The following STYXL2 variants were observed in gnomAD, a reference collection of about 807,000 sequenced individuals.
STYXL2 encodes the protein serine/threonine/tyrosine-interacting-like protein 2.
Under a neutral mutation model 52.4 loss-of-function variants are expected in STYXL2, and 44 were observed. The ratio of observed to expected loss-of-function variants is 0.84; its 90% CI spans 0.66 to 1.08. STYXL2 has a LOEUF of 1.08. Ranked by LOEUF, STYXL2 falls within the 50% of genes least tolerant of loss-of-function variation. The pLI is 0.00. For missense variants in STYXL2, 1,604 were observed against 1,471.7 expected (o/e 1.09, Z -1.47); for synonymous variants, 604 against 586.9 (o/e 1.03, Z -0.42).
At chr1:167,109,588 AC>A (rs1558020540) in intron 2 of STYXL2, among the ~76,000 whole-genome samples, 1 of 152,096 alleles carries the variant, frequency 6.6e-6, no homozygotes, top group Non-Finnish European at 1.5e-5. Context: ...GTCTTTCTCT[AC>A]ATGCCCTGGT....
chr1:167,103,760 T>C (rs527575148), intron 2 of STYXL2, among the ~76,000 whole-genome samples: 7 of 152,222 alleles, frequency 4.6e-5, no homozygotes, highest in African/African-American at 1.7e-4. Context: ...GGGAGCTTGG[T>C]GGGGACTTCT....
At chr1:167,105,318 T>C (rs1667488198) in intron 2 of STYXL2, among the ~76,000 whole-genome samples, 1 of 152,238 alleles carries the variant, frequency 6.6e-6, no homozygotes. Flanking sequence ...GGTTAGGAAG[T>C]CCATCAAACT....
chr1:167,122,274 G>A (rs896978678), intron 5 of STYXL2, among the ~76,000 whole-genome samples: 1 of 152,060 alleles, frequency 6.6e-6, no homozygotes, highest in African/African-American at 2.4e-5. Flanking sequence ...GGCACGCCGG[G>A]CAGGCCTGGA....
chr1:167,102,590 A>G (rs534150318), intron 2 of STYXL2, among the ~76,000 whole-genome samples: 1 of 152,264 alleles, frequency 6.6e-6, no homozygotes, highest in East Asian at 1.9e-4. Context: ...TGACAACAAA[A>G]TTTTTTCAGT....
intron 4 of STYXL2, 78 bp downstream of exon 4, chr1:167,117,637 T>G: frequency 1.5e-6 from 2 of 1,348,752 alleles, no homozygotes; most frequent in South Asian, 1.4e-5. Context: ...TCCCCCAACT[T>G]TCACCAAAGG....
intron 2 of STYXL2, among the ~76,000 whole-genome samples, chr1:167,100,907 A>T (rs1156548312): frequency 6.6e-6 from 1 of 152,120 alleles, no homozygotes; most frequent in Non-Finnish European, 1.5e-5. Context: ...TAAAATCTGA[A>T]CTCTAAACTA....
rs200528135 is a variant in STYXL2 at position 167,127,489 on chromosome 1, G to C, written c.2358G>C (p.Gln786His). The part of the protein sequence containing the change: ...SSSLGGCLLP[Q>H]SQARPSSDMQ... Reference sequence around the variant, plus strand: ...CCTTGGGTGGCTGCCTGTTGCCTCAGAGCCAGGCAAGACCCAGCTCTGACA... The same window carrying C: ...CCTTGGGTGGCTGCCTGTTGCCTCACAGCCAGGCAAGACCCAGCTCTGACA... Residue 786 changes from glutamine (Q) to histidine (H), a missense_variant, in exon 6 of 6, where the codon CAG becomes CAC. Gln to His is a conservative substitution (Grantham distance 24). Transcript: ENST00000361200. 3.2e-4 allele frequency: 515 copies of C among 1,614,114 alleles called. 1 individual carries two copies. The highest frequency in any genetic ancestry group is 4.7e-5 in the Non-Finnish European group (55 of 1,180,016).
chr1:167,094,830 T>C lies in STYXL2; in HGVS notation c.-16-4T>C, dbSNP rs111231958. 1 of 1,603,468 alleles carries C rather than the reference T, an allele frequency of 6.2e-7. No homozygotes were observed. Among genetic ancestry groups the C allele is most frequent in the South Asian group, 1.1e-5 (1 of 89,292 alleles). On this transcript the variant is annotated splice_region_variant and splice_polypyrimidine_tract_variant and intron_variant, in intron 1 of 5. Transcript: ENST00000361200. ...TAACTGCCTTTTTCTTGCCAAACTT[T>C]CAGAGGTTGGCAGGTTGTCATGGCG... is the stretch of plus-strand genomic sequence containing the variant.
chr1:167,107,003 A>G (rs1253963128), intron 2 of STYXL2, among the ~76,000 whole-genome samples: 1 of 152,176 alleles, frequency 6.6e-6, no homozygotes, highest in Non-Finnish European at 1.5e-5. Context: ...TGGGTCAGGA[A>G]TTTGGACAGG....
At chr1:167,117,148 T>C (rs894583697) in intron 3 of STYXL2, among the ~76,000 whole-genome samples, 180 bp from the exon 4 acceptor site, 1 of 152,216 alleles carries the variant, frequency 6.6e-6, no homozygotes, top group African/African-American at 2.4e-5. Context: ...ATTACAAGTG[T>C]TTGGGCCAGT....
At chr1:167,110,831 C>T (rs1667602054) in intron 2 of STYXL2, among the ~76,000 whole-genome samples, 1 of 152,180 alleles carries the variant, frequency 6.6e-6, no homozygotes, top group African/African-American at 2.4e-5. Flanking sequence ...CTTACAGTTC[C>T]AACCTTCCAG....
chr1:167,103,741 TGTCA>T, intron 2 of STYXL2, among the ~76,000 whole-genome samples: 1 of 152,148 alleles, frequency 6.6e-6, no homozygotes, highest in Middle Eastern at 3.2e-3. Flanking sequence ...TAAAACCCCC[TGTCA>T]GTGGGGGAGC....
At chr1:167,095,001 G>A in intron 2 of STYXL2, 42 bp downstream of exon 2, 1 of 1,498,076 alleles carries the variant, frequency 6.7e-7, no homozygotes, top group Non-Finnish European at 9.1e-7. Context: ...CCCCAGCTGG[G>A]AGGGGCTGGG....
intron 1 of STYXL2, 144 bp from the exon 2 acceptor site, chr1:167,094,690 A>C (rs562303207): frequency 2.1e-4 from 133 of 622,578 alleles, no homozygotes; most frequent in Non-Finnish European, 3.5e-4. Flanking sequence ...GCCAGGTCTG[A>C]CTGGATATTC....
chr1:167,100,640 C>T (rs1667385369), intron 2 of STYXL2, among the ~76,000 whole-genome samples: 1 of 152,174 alleles, frequency 6.6e-6, no homozygotes, highest in Admixed American at 6.5e-5. Flanking sequence ...ACAGGCTCAA[C>T]CTGAAAGACC....
rs1667664201 is a variant in STYXL2 at position 167,113,743 on chromosome 1, C to G, written c.144C>G (p.Ser48Arg). The G allele has an allele frequency of 5.6e-6, 9 of 1,613,944 alleles. No homozygotes were observed. The highest frequency in any genetic ancestry group is 7.6e-6 in the Non-Finnish European group (9 of 1,179,920). Reference sequence around the variant, plus strand: ...TGGTCTCAGATGCAGAAACAGAAAGCATTTTCATGGAACCCATTCACCTCT... The same window carrying G: ...TGGTCTCAGATGCAGAAACAGAAAGGATTTTCATGGAACCCATTCACCTCT... ...YSMVSDAETESIFMEPIHLSS... is the reference protein window; with the variant it reads ...YSMVSDAETERIFMEPIHLSS... Residue 48 changes from serine (S) to arginine (R), a missense_variant, in exon 3 of 6, where the codon AGC becomes AGG. By Grantham distance (110) the Ser-to-Arg change is moderately radical (BLOSUM62 -1). Coordinates refer to ENST00000361200, the MANE Select transcript of STYXL2 (RefSeq NM_001080426.3).
chr1:167,113,816 A>G lies in STYXL2; in HGVS notation c.205+12A>G. The stretch of plus-strand genomic sequence containing the variant: ...GATCATCAATGAAGGTAATGCAATC[A>G]AAAGCTGGGTGGAAGCAAAGTCCAG... On this transcript the variant is annotated intron_variant, in intron 3 of 5. Transcript: ENST00000361200. 1 of 1,608,346 alleles carries G rather than the reference A, an allele frequency of 6.2e-7. No homozygotes were observed. Among genetic ancestry groups the G allele is most frequent in the South Asian group, 1.1e-5 (1 of 90,968 alleles).
chr1:167,126,564 A>T lies in STYXL2; in HGVS notation c.1433A>T (p.Asp478Val). The change falls in exon 6 of 6, where the codon GAC becomes GTC. Residue 478 changes from aspartate (D) to valine (V), a missense_variant. Asp to Val is a radical substitution (Grantham distance 152). Coordinates refer to ENST00000361200, the MANE Select transcript of STYXL2 (RefSeq NM_001080426.3). ...TCGATGTCCTCGGAGAGCACCTGGG[A>T]CGCATGGAACGAGAGGCTGCTGGAG... ...ADSMSSESTWDAWNERLLEIE... is the reference protein window; with the variant it reads ...ADSMSSESTWVAWNERLLEIE... 1.2e-6 allele frequency: 2 copies of T among 1,613,962 alleles called. No homozygotes were observed. The highest frequency in any genetic ancestry group is 8.5e-7 in the Non-Finnish European group (1 of 1,179,964).
intron 2 of STYXL2, among the ~76,000 whole-genome samples, chr1:167,102,924 A>T (rs893272282): frequency 8.3e-6 from 1 of 120,608 alleles, no homozygotes; most frequent in African/African-American, 2.8e-5. Context: ...GGGCTGCCAC[A>T]GCAAATTACT....
Sources: allele counts gnomAD v4.1 joint callset (sites outside exome capture counted in the v4.1 genomes callset), GRCh38; gene constraint gnomAD v4.1.1; transcripts MANE v1.5; gene names NCBI Gene and HGNC (gene_info 2026-07-23, HGNC 2026-07-21).